Variants in PEAK1 observed in about 807,000 individuals in gnomAD.
The protein encoded by PEAK1 is inactive tyrosine-protein kinase PEAK1.
In PEAK1, 54 loss-of-function variants were observed where a neutral mutation model predicts 124.7. The ratio of observed to expected loss-of-function variants is 0.43; its 90% CI spans 0.35 to 0.54. The LOEUF (loss-of-function observed/expected upper bound fraction) is 0.54, where lower values mean the gene tolerates loss of function less well. PEAK1 is among the 20% of genes least tolerant of loss of function. The probability of loss-of-function intolerance (pLI) is 0.01; values close to 1 mark genes in which losing one functional copy is unlikely to be tolerated. For synonymous variants in PEAK1, 719 were observed against 760.0 expected (o/e 0.95, Z 0.89); for missense variants, 2,046 against 2,134.5 (o/e 0.96, Z 0.82).
At chr15:77,342,559 C>T (rs942432173) in intron 2 of PEAK1, among the ~76,000 whole-genome samples, 2 of 152,000 alleles carry the variant, frequency 1.3e-5, no homozygotes, top group African/African-American at 4.8e-5. Flanking sequence ...GCAGGAGCCA[C>T]CATGCTTGGC....
intron 2 of PEAK1, chr15:77,333,096 T>C: frequency 1.0e-6 from 1 of 983,670 alleles, no homozygotes; most frequent in Non-Finnish European, 1.2e-6. Flanking sequence ...TGCCTTTCAA[T>C]TTTGTTGATG....
At chr15:77,270,761 G>A (rs79968057) in intron 5 of PEAK1, among the ~76,000 whole-genome samples, 1 of 152,074 alleles carries the variant, frequency 6.6e-6, no homozygotes, top group Non-Finnish European at 1.5e-5. Context: ...AAATTACCTT[G>A]GGCAGTATGG....
At chr15:77,357,198 A>T (rs1474747653) in intron 2 of PEAK1, among the ~76,000 whole-genome samples, 1 of 152,212 alleles carries the variant, frequency 6.6e-6, no homozygotes, top group Non-Finnish European at 1.5e-5. Context: ...TGAGACGAGG[A>T]GTACGAAGCT....
chr15:77,342,830 A>G (rs967869582), intron 2 of PEAK1, among the ~76,000 whole-genome samples: 74 of 152,190 alleles, frequency 4.9e-4, no homozygotes, highest in African/African-American at 1.7e-3. Context: ...CACTGTATGT[A>G]TATACCTCAT....
intron 6 of PEAK1, among the ~76,000 whole-genome samples, chr15:77,238,485 CT>C (rs1251645748): frequency 6.6e-6 from 1 of 152,104 alleles, no homozygotes. Flanking sequence ...TCTTGTTTTG[CT>C]TTCTTTATTA....
At chr15:77,313,652 ATGTG>A (rs775220459) in intron 2 of PEAK1, among the ~76,000 whole-genome samples, 1,328 of 90,526 alleles carry the variant, frequency 0.015, 30 homozygotes, top group East Asian at 0.12. Context: ...GTATGTATGT[ATGTG>A]TGTGTGTGTG....
intron 1 of PEAK1, among the ~76,000 whole-genome samples, chr15:77,410,338 T>C (rs971571639): frequency 2.6e-5 from 4 of 152,204 alleles, no homozygotes; most frequent in African/African-American, 7.2e-5. Context: ...TGGGTCAGGC[T>C]GGTCTCGAAC....
At chr15:77,284,443 T>C (rs967187558) in intron 4 of PEAK1, among the ~76,000 whole-genome samples, 8 of 152,178 alleles carry the variant, frequency 5.3e-5, no homozygotes, top group Admixed American at 3.3e-4. Context: ...GTTAAGATAC[T>C]TGTAGAGCAC....
intron 7 of PEAK1, among the ~76,000 whole-genome samples, chr15:77,175,382 C>A (rs1482310648): frequency 6.6e-6 from 1 of 151,940 alleles, no homozygotes; most frequent in Non-Finnish European, 1.5e-5. Flanking sequence ...CCAGAATCTA[C>A]AATGAACTCA....
chr15:77,192,161 G>T (rs541329473), intron 6 of PEAK1, among the ~76,000 whole-genome samples: 2 of 152,324 alleles, frequency 1.3e-5, no homozygotes, highest in East Asian at 3.9e-4. Flanking sequence ...AACCTTGACT[G>T]CAAGTGGTTT....
At chr15:77,332,789 G>C (rs961195670) in intron 2 of PEAK1, among the ~76,000 whole-genome samples, 1 of 151,492 alleles carries the variant, frequency 6.6e-6, no homozygotes, top group Non-Finnish European at 1.5e-5. Flanking sequence ...CCATTTCTTT[G>C]TTTACTAATG....
chr15:77,233,886 C>T (rs1239333810), intron 6 of PEAK1, among the ~76,000 whole-genome samples: 1 of 151,964 alleles, frequency 6.6e-6, no homozygotes, highest in Non-Finnish European at 1.5e-5. Context: ...TTTTGAAAGA[C>T]ATAGGGTCTC....
intron 6 of PEAK1, among the ~76,000 whole-genome samples, chr15:77,232,725 G>A (rs2059959408): frequency 6.6e-6 from 1 of 152,114 alleles, no homozygotes; most frequent in Admixed American, 6.6e-5. Flanking sequence ...CTCAAGGAAT[G>A]TTCTTGAAAT....
intron 8 of PEAK1, among the ~76,000 whole-genome samples, chr15:77,140,504 C>T (rs1346855733): frequency 6.6e-6 from 1 of 152,100 alleles, no homozygotes; most frequent in Non-Finnish European, 1.5e-5. Flanking sequence ...CACATAATCA[C>T]CTTAATAGAT....
At position 77,250,175 on chromosome 15, in the gene PEAK1, G is replaced by A. The variant is rs570303465; in HGVS notation, c.-115+2192C>T. Among the ~76,000 whole-genome samples, 40 of 130,860 alleles carry A rather than the reference G, an allele frequency of 3.1e-4. No homozygotes were observed. The East Asian group carries it at 8.2e-3, about 27-fold the overall frequency. The allele number at this position is 130,860 out of a possible 152,430, so 85.8% of individuals were successfully genotyped here. A position where few individuals can be genotyped will look rare whatever the true frequency, so the allele number is the denominator to read the frequency against. ...TATATACATATATATACATATATAT[G>A]TATATGTATATATATACATATATAT... On this transcript the variant is annotated intron_variant, in intron 6 of 9. Transcript: ENST00000682557.
chr15:77,101,850 A>G (rs1045559490), exon 7 of PEAK1: 4 of 152,214 alleles, frequency 2.6e-5, no homozygotes, highest in Non-Finnish European at 4.4e-5. Flanking sequence ...CCAGGACAGG[A>G]TGAATCAAGC....
chr15:77,231,959 A>G (rs1446680051), intron 6 of PEAK1, among the ~76,000 whole-genome samples: 2 of 152,176 alleles, frequency 1.3e-5, no homozygotes. Context: ...ACAAAACAAA[A>G]CAAAACACAG....
chr15:77,368,529 A>C (rs1176535466), intron 1 of PEAK1, among the ~76,000 whole-genome samples: 1 of 151,864 alleles, frequency 6.6e-6, no homozygotes, highest in South Asian at 2.1e-4. Flanking sequence ...AAAAAAAAAA[A>C]GAGTTAAAAG....
chr15:77,133,327 T>G lies in PEAK1; in HGVS notation c.3755A>C (p.Glu1252Ala). The change falls in exon 9 of 10, where the codon GAA (glutamate) becomes GCA (alanine). Residue 1252 changes from glutamate to alanine, a missense_variant. Transcript: ENST00000682557. This position sits in a 1 kb window ranked among gnomAD's most constrained non-coding sequence, Gnocchi z 4.2. ...SIKDRFSNSMESLSSRRGPSC... is the reference protein window; with the variant it reads ...SIKDRFSNSMASLSSRRGPSC... ...GGGCCCACGCCGGCTGGAGAGGGAT[T>G]CCATGCTGTTGGAAAATCTATCCTT... 6.2e-7 allele frequency: 1 copy of G among 1,614,256 alleles called. No homozygotes were observed. Among genetic ancestry groups the G allele is most frequent in the South Asian group, 1.1e-5 (1 of 91,092 alleles).
Sources: allele counts gnomAD v4.1 joint callset (sites outside exome capture counted in the v4.1 genomes callset), GRCh38; gene constraint gnomAD v4.1.1; non-coding constraint Gnocchi (gnomAD v3.1); transcripts MANE v1.5; gene names NCBI Gene and HGNC (gene_info 2026-07-23, HGNC 2026-07-21).